USP30: variants seen among roughly 807,000 people sequenced by gnomAD.
The protein encoded by USP30 is ubiquitin specific peptidase 30.
Under a neutral mutation model 68.2 loss-of-function variants are expected in USP30, and 41 were observed. That is an observed-to-expected ratio of 0.60 (90% CI 0.47 to 0.78). USP30 has a LOEUF of 0.78. USP30 is among the 30% of genes least tolerant of loss of function. The probability of loss-of-function intolerance (pLI) is 0.00; values close to 1 mark genes in which losing one functional copy is unlikely to be tolerated. For missense variants in USP30, 522 were observed against 649.4 expected (o/e 0.80, Z 2.13); for synonymous variants, 229 against 253.7 (o/e 0.90, Z 0.93).
At chr12:109,084,485 T>C (rs1006098993) in intron 11 of USP30, among the ~76,000 whole-genome samples, 1 of 152,130 alleles carries the variant, frequency 6.6e-6, no homozygotes, top group African/African-American at 2.4e-5. Context: ...ACATTTTTGG[T>C]TATCACTACT....
chr12:109,036,480 T>C (rs1193072126), intron 3 of USP30, among the ~76,000 whole-genome samples: 1 of 152,022 alleles, frequency 6.6e-6, no homozygotes, highest in African/African-American at 2.4e-5. Context: ...GTATTTTGGA[T>C]AGAGATGGGG....
chr12:109,083,991 C>T (rs1391009280), intron 11 of USP30, among the ~76,000 whole-genome samples: 2 of 152,160 alleles, frequency 1.3e-5, no homozygotes, highest in East Asian at 1.9e-4. Context: ...TCAAAGACCT[C>T]TGCACCCCAG....
In USP30 at chr12:109,038,967, T is replaced by G. The variant is rs111763356; in HGVS notation, c.-135-8623T>G. On this transcript the variant is annotated intron_variant, in intron 3 of 15. Coordinates refer to the USP30 transcript ENST00000392784. ...AGTTCAGAGGGAATTGTTTTTCTTCTTATTGAATTGCAAGAGTTCTTTACA... is the reference window on the plus strand; with the variant it reads ...AGTTCAGAGGGAATTGTTTTTCTTCGTATTGAATTGCAAGAGTTCTTTACA... Among the ~76,000 whole-genome samples, 592 of 152,362 alleles carry G rather than the reference T, an allele frequency of 3.9e-3. 5 individuals carry two copies. The highest frequency in any genetic ancestry group is 0.014 in the African/African-American group (563 of 41,594).
intron 1 of USP30, 146 bp downstream of exon 1, chr12:109,052,907 C>T: frequency 1.2e-6 from 1 of 805,262 alleles, no homozygotes; most frequent in Non-Finnish European, 1.7e-6. Context: ...GGGTTGGAGG[C>T]CTGGGCCCGT....
chr12:109,067,907 A>G (rs1319329728), intron 4 of USP30, among the ~76,000 whole-genome samples: 1 of 152,214 alleles, frequency 6.6e-6, no homozygotes, highest in African/African-American at 2.4e-5. Flanking sequence ...TGGCACTCCA[A>G]TAAGTGATAG....
At chr12:109,039,617 C>T (rs2040548413) in intron 3 of USP30, among the ~76,000 whole-genome samples, 1 of 149,424 alleles carries the variant, frequency 6.7e-6, no homozygotes, top group African/African-American at 2.5e-5. Flanking sequence ...GATAAGAATC[C>T]ATTTTTTTTT....
At chr12:109,033,441 T>C (rs2040496372) in intron 3 of USP30, among the ~76,000 whole-genome samples, 1 of 152,202 alleles carries the variant, frequency 6.6e-6, no homozygotes, top group Non-Finnish European at 1.5e-5. Flanking sequence ...CAGGTTGTTT[T>C]AGTAACACTG....
intron 7 of USP30, among the ~76,000 whole-genome samples, chr12:109,078,252 C>T (rs866825492): frequency 6.6e-6 from 1 of 151,948 alleles, no homozygotes; most frequent in African/African-American, 2.4e-5. Context: ...GGTGAAACCC[C>T]GTCTCTACTA....
rs1195054848 is a variant in USP30 at position 109,035,900 on chromosome 12, T to A, written c.-136+8344T>A. Among the ~76,000 whole-genome samples the A allele has an allele frequency of 2.0e-5, 3 of 152,292 alleles. No homozygotes were observed. In the East Asian group the frequency reaches 5.8e-4, roughly 29 times the overall value. On this transcript the variant is annotated intron_variant, in intron 3 of 15. Transcript: ENST00000392784. Reference sequence around the variant, plus strand: ...TACATGGGCCAGGCACAATGACTTATGTCTGTAATCCTAGCACTTTGGGAG... The same window carrying A: ...TACATGGGCCAGGCACAATGACTTAAGTCTGTAATCCTAGCACTTTGGGAG...
At chr12:109,052,818 G>C in intron 1 of USP30, 57 bp downstream of exon 1, 1 of 1,385,938 alleles carries the variant, frequency 7.2e-7, no homozygotes, top group Non-Finnish European at 9.4e-7. Flanking sequence ...CCCCAGCTTG[G>C]GCCCGTGACG....
In USP30 at chr12:109,079,351, C is replaced by CT. The variant is rs71079521; in HGVS notation, c.721-1955dup. On this transcript the variant is annotated intron_variant, in intron 7 of 12. Transcript: ENST00000257548. Reference sequence around the variant, plus strand: ...TTCTTTTCTTTTTCTTTTTTTTTTTCTTTTTTTTTTTTTTTTTTTTTTTTT... The same window carrying CT: ...TTCTTTTCTTTTTCTTTTTTTTTTTCTTTTTTTTTTTTTTTTTTTTTTTTTT... 6.2e-3 allele frequency among the ~76,000 whole-genome samples: 303 copies of CT among 48,780 alleles called. 26 individuals are homozygous for CT. Among genetic ancestry groups the CT allele is most frequent in the African/African-American group, 0.018 (211 of 11,834 alleles). 32.0% of individuals were successfully genotyped at this position (48,780 alleles called of 152,430 possible).
Position 109,085,896 on chromosome 12 carries a change from C to G in USP30, c.1519C>G (p.Gln507Glu), listed in dbSNP as rs1206465485. Residue 507 changes from glutamine to glutamate, a missense_variant, in exon 13 of 13, where the codon CAG becomes GAG. Physicochemically the swap from Gln to Glu is conservative, Grantham distance 29 (BLOSUM62 2). Transcript: ENST00000257548. Reference sequence around the variant, plus strand: ...CTACGAGCGCGTCCTTTCCAGGATGCAGCACCAGAGCCAGGAGTGCAAGTC... The same window carrying G: ...CTACGAGCGCGTCCTTTCCAGGATGGAGCACCAGAGCCAGGAGTGCAAGTC... ...LFYERVLSRMQHQSQECKSEE is the reference protein window; with the variant it reads ...LFYERVLSRMEHQSQECKSEE The G allele has an allele frequency of 3.1e-6, 5 of 1,613,996 alleles. No homozygotes were observed. Among genetic ancestry groups the G allele is most frequent in the Non-Finnish European group, 4.2e-6 (5 of 1,179,978 alleles).
At chr12:109,078,563 C>T (rs2041685149) in intron 7 of USP30, among the ~76,000 whole-genome samples, 1 of 150,562 alleles carries the variant, frequency 6.6e-6, no homozygotes, top group African/African-American at 2.4e-5. Flanking sequence ...CACACCACTG[C>T]ATGCCAGCCT....
chr12:109,027,155 T>G (rs2040450502), intron 2 of USP30, among the ~76,000 whole-genome samples: 1 of 152,210 alleles, frequency 6.6e-6, no homozygotes, highest in African/African-American at 2.4e-5. Context: ...TTCATAATGT[T>G]ATATAACCAT....
At position 109,082,866 on chromosome 12, in the gene USP30, C is replaced by T. The variant is rs1593297692; in HGVS notation, c.972C>T (p.His324=). The part of the protein sequence containing the change: ...LGKLPQCLCI[H]LQRLSWSSHG... ...AGCTCCCTCAGTGTCTCTGCATCCA[C>T]CTACAGCGGCTGAGCTGGTCCAGCC... Residue 324 remains histidine, a synonymous_variant, in exon 11 of 13, where the codon CAC becomes CAT. Coordinates refer to ENST00000257548, the MANE Select transcript of USP30 (RefSeq NM_032663.5). 6.2e-7 allele frequency: 1 copy of T among 1,614,128 alleles called. No homozygotes were observed. Among genetic ancestry groups the T allele is most frequent in the Non-Finnish European group, 8.5e-7 (1 of 1,179,964 alleles).
chr12:109,087,916 T>TA lies in USP30; in HGVS notation c.*1988dup. 1 of 205,768 alleles carries TA rather than the reference T, an allele frequency of 4.9e-6. No homozygotes were observed. Among genetic ancestry groups the TA allele is most frequent in the Admixed American group, 5.8e-5 (1 of 17,308 alleles). 12.7% of individuals were successfully genotyped at this position (205,768 alleles called of 1,614,324 possible). ...AGCTTCTTTTGGGAAAAACCTAAGT[T>TA]AAACTAGTAGTTTTGCCATAATAAC... On this transcript the variant is annotated 3_prime_UTR_variant, in exon 13 of 13. Coordinates refer to ENST00000257548, the MANE Select transcript of USP30 (RefSeq NM_032663.5).
At chr12:109,031,948 T>C (rs2040485134) in intron 3 of USP30, among the ~76,000 whole-genome samples, 1 of 151,828 alleles carries the variant, frequency 6.6e-6, no homozygotes, top group African/African-American at 2.4e-5. Flanking sequence ...TACATTTTTT[T>C]TTAATTAGTC....
At chr12:109,077,832 G>C (rs773069263) in intron 7 of USP30, among the ~76,000 whole-genome samples, 1 of 151,778 alleles carries the variant, frequency 6.6e-6, no homozygotes, top group Non-Finnish European at 1.5e-5. Flanking sequence ...TGTTGGGGGG[G>C]GAGGGTGTGT....
At chr12:109,053,375 T>C (rs1401725178) in intron 1 of USP30, among the ~76,000 whole-genome samples, 1 of 152,196 alleles carries the variant, frequency 6.6e-6, no homozygotes, top group Non-Finnish European at 1.5e-5. Flanking sequence ...AGGGCCCCTT[T>C]AACCTGTTAA....
Sources: allele counts gnomAD v4.1 joint callset (sites outside exome capture counted in the v4.1 genomes callset), GRCh38; gene constraint gnomAD v4.1.1; transcripts MANE v1.5; gene names NCBI Gene and HGNC (gene_info 2026-07-23, HGNC 2026-07-21).